Variants in EXPH5 observed in about 807,000 individuals in gnomAD.
EXPH5 encodes the protein exophilin-5.
In EXPH5, 42 loss-of-function variants were observed where a neutral mutation model predicts 41.1. That is an observed-to-expected ratio of 1.02 (90% CI 0.80 to 1.32). The LOEUF is 1.32. EXPH5 is among the 40% of genes most tolerant of loss of function. The probability of loss-of-function intolerance (pLI) is 0.00; values close to 1 mark genes in which losing one functional copy is unlikely to be tolerated. For synonymous variants in EXPH5, 798 were observed against 833.5 expected (o/e 0.96, Z 0.73); for missense variants, 2,298 against 2,314.5 (o/e 0.99, Z 0.15).
intron 4 of EXPH5, among the ~76,000 whole-genome samples, chr11:108,523,907 A>G (rs1027404657): frequency 1.3e-5 from 2 of 152,220 alleles, no homozygotes; most frequent in African/African-American, 2.4e-5. Context: ...GATTACTAGT[A>G]TATATTATTA....
intron 1 of EXPH5, among the ~76,000 whole-genome samples, chr11:108,563,120 G>A (rs752488115): frequency 2.6e-5 from 4 of 152,212 alleles, no homozygotes; most frequent in Admixed American, 1.3e-4. Flanking sequence ...GGATCTGTGA[G>A]GAGGCTTTCT....
At chr11:108,538,066 G>A in intron 3 of EXPH5, 1 of 985,438 alleles carries the variant, frequency 1.0e-6, no homozygotes. Flanking sequence ...AGCCTCGGGT[G>A]AAAGCTGGAA....
chr11:108,596,406 T>C (rs1186992475), upstream of EXPH5, among the ~76,000 whole-genome samples: 1 of 151,938 alleles, frequency 6.6e-6, no homozygotes, highest in Non-Finnish European at 1.5e-5. Flanking sequence ...AAAGGAGGAT[T>C]AAGAAAGACA....
Position 108,510,197 on chromosome 11 carries a change from C to A in EXPH5, c.5310G>T (p.Leu1770=). The change falls in exon 6 of 6, where the codon CTG becomes CTT. Residue 1770 remains leucine (L), a synonymous_variant. Coordinates refer to ENST00000265843, the MANE Select transcript of EXPH5 (RefSeq NM_015065.3). ...PAQKSRVSSP[L]ASFLQQQRSA... is the part of the protein sequence containing the mutation. ...TCCTTTGTTGCTGCAGAAAACTGGC[C>A]AGTGGACTGCTTACTCTAGATTTCT... is the stretch of plus-strand genomic sequence containing the variant. 2 of 1,614,066 alleles carry A rather than the reference C, an allele frequency of 1.2e-6. No individual in the cohort carries two copies. The highest frequency in any genetic ancestry group is 1.7e-6 in the Non-Finnish European group (2 of 1,180,010).
chr11:108,577,669 C>T (rs924056541), intron 1 of EXPH5, among the ~76,000 whole-genome samples: 10 of 152,050 alleles, frequency 6.6e-5, no homozygotes, highest in Non-Finnish European at 1.3e-4. Flanking sequence ...GTAATCTGCC[C>T]GCCTCGGCCT....
chr11:108,516,599 A>G (rs1033016839), intron 5 of EXPH5, among the ~76,000 whole-genome samples: 4 of 152,234 alleles, frequency 2.6e-5, no homozygotes, highest in African/African-American at 7.2e-5. Context: ...CTGAGCACAC[A>G]TAAGTGAAAT....
intron 2 of EXPH5, among the ~76,000 whole-genome samples, chr11:108,540,624 T>G (rs1416777169): frequency 6.6e-6 from 1 of 152,146 alleles, no homozygotes; most frequent in Non-Finnish European, 1.5e-5. Context: ...GATATTTTAT[T>G]TTAGTATTTT....
At chr11:108,565,973 G>A (rs1366486646) in intron 1 of EXPH5, among the ~76,000 whole-genome samples, 2 of 152,126 alleles carry the variant, frequency 1.3e-5, no homozygotes, top group African/African-American at 2.4e-5. Flanking sequence ...CTTTTCAAGT[G>A]AGGAAAAAAA....
At chr11:108,564,253 A>G (rs2094025207) in intron 1 of EXPH5, among the ~76,000 whole-genome samples, 1 of 152,100 alleles carries the variant, frequency 6.6e-6, no homozygotes, top group Non-Finnish European at 1.5e-5. Flanking sequence ...GCACCACTAC[A>G]CTCCAGCCTG....
intron 5 of EXPH5, among the ~76,000 whole-genome samples, chr11:108,515,790 G>T (rs1404788285): frequency 1.3e-5 from 2 of 152,086 alleles, no homozygotes; most frequent in Non-Finnish European, 2.9e-5. Context: ...GCTCACTTTT[G>T]GGCCGGGCAC....
In EXPH5 at chr11:108,513,031, C is replaced by A; in HGVS notation, c.2476G>T (p.Asp826Tyr). 6.2e-7 allele frequency: 1 copy of A among 1,613,982 alleles called. No homozygotes were observed. The highest frequency in any genetic ancestry group is 8.5e-7 in the Non-Finnish European group (1 of 1,179,982). The change falls in exon 6 of 6, where the codon GAC becomes TAC. Residue 826 changes from aspartate (D) to tyrosine (Y), a missense_variant. Transcript: ENST00000265843. ...GTTAATTCCTGGTGACAACCTTGGTCTGTCCTGGGGAAAGATGGTGGTGTT... is the reference window on the plus strand; with the variant it reads ...GTTAATTCCTGGTGACAACCTTGGTATGTCCTGGGGAAAGATGGTGGTGTT... ...HRTPPSFPRT[D>Y]QGCHQELTVN...
At chr11:108,540,349 C>T (rs1346594527) in intron 2 of EXPH5, among the ~76,000 whole-genome samples, 4 of 151,734 alleles carry the variant, frequency 2.6e-5, no homozygotes, top group Non-Finnish European at 4.4e-5. Flanking sequence ...TAAAATTAAA[C>T]AAAATCCATA....
At position 108,511,767 on chromosome 11, in the gene EXPH5, A is replaced by G; in HGVS notation, c.3740T>C (p.Leu1247Pro). 2 of 1,611,182 alleles carry G rather than the reference A, an allele frequency of 1.2e-6. No individual in the cohort carries two copies. Among genetic ancestry groups the G allele is most frequent in the African/African-American group, 1.3e-5 (1 of 74,850 alleles). Reference sequence around the variant, plus strand: ...AGTGTAATATATTGAGACCACCTCCAGACATTTTACATTATCTTCATCACC... The same window carrying G: ...AGTGTAATATATTGAGACCACCTCCGGACATTTTACATTATCTTCATCACC... The part of the protein sequence containing the change: ...VSGDEDNVKC[L>P]EVVSIYYTLP... The change falls in exon 6 of 6, where the codon CTG (leucine) becomes CCG (proline). Residue 1247 changes from leucine to proline, a missense_variant. By Grantham distance (98) the Leu-to-Pro change is moderately conservative (BLOSUM62 -3). Transcript: ENST00000265843.
At chr11:108,545,706 C>G (rs922986492) in intron 1 of EXPH5, among the ~76,000 whole-genome samples, 10 of 152,058 alleles carry the variant, frequency 6.6e-5, no homozygotes, top group African/African-American at 2.4e-4. Flanking sequence ...AGTGAGAGAC[C>G]AGCCTGGCCA....
At chr11:108,575,911 G>C (rs1420634737) in intron 1 of EXPH5, among the ~76,000 whole-genome samples, 3 of 151,688 alleles carry the variant, frequency 2.0e-5, no homozygotes, top group Admixed American at 2.0e-4. Context: ...GTAGTGAGCC[G>C]AGATCACACC....
Position 108,511,269 on chromosome 11 carries a change from C to T in EXPH5, c.4238G>A (p.Cys1413Tyr), listed in dbSNP as rs2093678802. Residue 1413 changes from cysteine to tyrosine, a missense_variant, in exon 6 of 6, where the codon TGT (cysteine) becomes TAT (tyrosine). Physicochemically the swap from Cys to Tyr is radical, Grantham distance 194. Transcript: ENST00000265843. ...GTTACTTGAATTAATGGATTGTTGA[C>T]AATTTTCAGATTTTTCTTCGGATAC... ...KNVSEEKSEN[C>Y]QQSINSSNSG... 1 of 1,606,780 alleles carries T rather than the reference C, an allele frequency of 6.2e-7. No individual in the cohort carries two copies. The highest frequency in any genetic ancestry group is 8.5e-7 in the Non-Finnish European group (1 of 1,178,172).
At chr11:108,537,256 G>T (rs1000387174) in intron 3 of EXPH5, among the ~76,000 whole-genome samples, 1 of 152,006 alleles carries the variant, frequency 6.6e-6, no homozygotes, top group African/African-American at 2.4e-5. Flanking sequence ...AAATAAAAAC[G>T]ACATGCTTTT....
At chr11:108,531,705 C>T (rs1027806149) in intron 3 of EXPH5, among the ~76,000 whole-genome samples, 1 of 152,192 alleles carries the variant, frequency 6.6e-6, no homozygotes, top group Admixed American at 6.5e-5. Context: ...TGATTTCCCC[C>T]CAAGTGTTGG....
At chr11:108,581,023 A>G (rs1387722223) in intron 1 of EXPH5, among the ~76,000 whole-genome samples, 1 of 152,198 alleles carries the variant, frequency 6.6e-6, no homozygotes. Flanking sequence ...TAACATTAAT[A>G]TGGCTGGGCA....
Sources: allele counts gnomAD v4.1 joint callset (sites outside exome capture counted in the v4.1 genomes callset), GRCh38; gene constraint gnomAD v4.1.1; transcripts MANE v1.5; gene names NCBI Gene and HGNC (gene_info 2026-07-23, HGNC 2026-07-21).